Variants in SLC24A4 observed in about 807,000 individuals in gnomAD.
The protein encoded by SLC24A4 is solute carrier family 24 member 4.
Under a neutral mutation model 79.0 loss-of-function variants are expected in SLC24A4, and 53 were observed. That is an observed-to-expected ratio of 0.67 (90% CI 0.54 to 0.84). The LOEUF is 0.84. Ranked by LOEUF, SLC24A4 falls within the 40% of genes least tolerant of loss-of-function variation. The probability of loss-of-function intolerance (pLI) is 0.00; values close to 1 mark genes in which losing one functional copy is unlikely to be tolerated. For missense variants in SLC24A4, 731 were observed against 822.0 expected (o/e 0.89, Z 1.35); for synonymous variants, 323 against 323.8 (o/e 1.00, Z 0.03).
At chr14:92,483,936 C>G in intron 13 of SLC24A4, 1 of 1,254,830 alleles carries the variant, frequency 8.0e-7, no homozygotes, top group Non-Finnish European at 1.0e-6. Context: ...GCCACCTTTC[C>G]CTTAACTCCA....
At position 92,456,487 on chromosome 14, in the gene SLC24A4, T is replaced by A. The variant is rs143075344; in HGVS notation, c.1134T>A (p.Asn378Lys). The change falls in exon 12 of 17, where the codon AAT becomes AAA. Residue 378 changes from asparagine (N) to lysine (K), a missense_variant. Physicochemically the swap from Asn to Lys is moderately conservative, Grantham distance 94. Transcript: ENST00000532405. ...NGRHENIENG[N>K]VPVENPEDPQ... is the part of the protein sequence containing the mutation. ...GGCACGAGAACATTGAGAACGGGAA[T>A]GTTCCTGTGGAAAACCCCGAAGACC... 2.9e-4 allele frequency: 473 copies of A among 1,614,202 alleles called. 4 individuals are homozygous for A. The African/African-American group carries it at 5.9e-3, about 20-fold the overall frequency.
intron 2 of SLC24A4, among the ~76,000 whole-genome samples, chr14:92,354,888 A>G (rs992656912): frequency 6.6e-6 from 1 of 152,200 alleles, no homozygotes; most frequent in Non-Finnish European, 1.5e-5. Context: ...AGCCCGGCCA[A>G]CATGGCGAAA....
rs1489682650 is a variant in SLC24A4 at position 92,441,416 on chromosome 14, C to T, written c.394-673C>T. ...CGTCCTGTCCCGTGCCAGCTTAACCCTGGAACCAGTACCTCTGGGTCTTTG... is the reference window on the plus strand; with the variant it reads ...CGTCCTGTCCCGTGCCAGCTTAACCTTGGAACCAGTACCTCTGGGTCTTTG... On this transcript the variant is annotated intron_variant, in intron 4 of 16. Coordinates refer to ENST00000532405, the MANE Select transcript of SLC24A4 (RefSeq NM_153646.4). This position sits in a 1 kb window ranked among gnomAD's most constrained non-coding sequence, Gnocchi z 4.6. 6.6e-6 allele frequency among the ~76,000 whole-genome samples: 1 copy of T among 152,236 alleles called. No individual in the cohort carries two copies. The highest frequency in any genetic ancestry group is 1.9e-4 in the East Asian group (1 of 5,200).
chr14:92,345,319 C>T (rs1344387682), intron 2 of SLC24A4, among the ~76,000 whole-genome samples: 1 of 152,180 alleles, frequency 6.6e-6, no homozygotes, highest in Non-Finnish European at 1.5e-5. Flanking sequence ...TACTTATGAA[C>T]CCTTCTGCGC....
At chr14:92,389,243 T>A (rs913543109) in intron 2 of SLC24A4, among the ~76,000 whole-genome samples, 2 of 152,318 alleles carry the variant, frequency 1.3e-5, no homozygotes, top group Middle Eastern at 3.4e-3. Flanking sequence ...AGGAAGTGAA[T>A]CTTTCCTGAA....
intron 12 of SLC24A4, among the ~76,000 whole-genome samples, chr14:92,475,878 T>A (rs376473720): frequency 6.6e-6 from 1 of 152,210 alleles, no homozygotes; most frequent in South Asian, 2.1e-4. Flanking sequence ...CTTCACTAAA[T>A]TGATTTCACC....
intron 3 of SLC24A4, among the ~76,000 whole-genome samples, chr14:92,438,665 G>T (rs1241872372): frequency 3.4e-5 from 5 of 148,092 alleles, no homozygotes; most frequent in Non-Finnish European, 7.5e-5. Flanking sequence ...GAGGTATCGG[G>T]GGAAGGGGTG....
rs553324907 is a variant in SLC24A4 at position 92,381,114 on chromosome 14, A to G, written c.242-52798A>G. On this transcript the variant is annotated intron_variant, in intron 2 of 16. Coordinates refer to ENST00000532405, the MANE Select transcript of SLC24A4 (RefSeq NM_153646.4). Reference sequence around the variant, plus strand: ...CAAAAGGATTATAAATCATTCTGCTATAAAGACACATGCACACATATGTTT... The same window carrying G: ...CAAAAGGATTATAAATCATTCTGCTGTAAAGACACATGCACACATATGTTT... Among the ~76,000 whole-genome samples the G allele has an allele frequency of 3.9e-5, 6 of 152,372 alleles. No homozygotes were observed. In the South Asian group the frequency reaches 6.2e-4, roughly 16 times the overall value.
intron 2 of SLC24A4, among the ~76,000 whole-genome samples, chr14:92,424,947 C>T (rs1383312788): frequency 6.6e-6 from 1 of 152,100 alleles, no homozygotes; most frequent in African/African-American, 2.4e-5. Flanking sequence ...TCACCACTTG[C>T]GCCCAGGGCA....
chr14:92,328,613 T>C (rs1885287863), intron 2 of SLC24A4, among the ~76,000 whole-genome samples: 1 of 152,254 alleles, frequency 6.6e-6, no homozygotes, highest in South Asian at 2.1e-4. Flanking sequence ...TCTCCATCTC[T>C]GGGCTCACTT....
chr14:92,330,482 G>A (rs117848934), intron 2 of SLC24A4, among the ~76,000 whole-genome samples: 1,563 of 152,304 alleles, frequency 0.01, 19 homozygotes, highest in Middle Eastern at 0.031. Context: ...TACAGAGCAA[G>A]CACTGAAAAT....
intron 2 of SLC24A4, among the ~76,000 whole-genome samples, chr14:92,361,360 G>A (rs1887510547): frequency 6.6e-6 from 1 of 151,926 alleles, no homozygotes; most frequent in Non-Finnish European, 1.5e-5. Flanking sequence ...AGCAAGGTTG[G>A]GAAGGGAGGG....
At chr14:92,392,946 A>C (rs1214986805) in intron 2 of SLC24A4, among the ~76,000 whole-genome samples, 1 of 152,036 alleles carries the variant, frequency 6.6e-6, no homozygotes, top group Non-Finnish European at 1.5e-5. Context: ...GTGTGAGGTC[A>C]CATGGGAGGC....
intron 2 of SLC24A4, among the ~76,000 whole-genome samples, chr14:92,358,231 A>G (rs1459385436): frequency 6.6e-6 from 1 of 152,030 alleles, no homozygotes; most frequent in African/African-American, 2.4e-5. Context: ...TAGGCCAGTT[A>G]AATGCATGCA....
At position 92,493,539 on chromosome 14, in the gene SLC24A4, C is replaced by T. The variant is rs751394589; in HGVS notation, c.1780C>T (p.Leu594Phe). The change falls in exon 17 of 17, where the codon CTC (leucine) becomes TTC (phenylalanine). Residue 594 changes from leucine (L) to phenylalanine (F), a missense_variant. By Grantham distance (22) the Leu-to-Phe change is conservative. Coordinates refer to ENST00000532405, the MANE Select transcript of SLC24A4 (RefSeq NM_153646.4). ...GAAGCTGGGTGTCTACGTGCTGGTT[C>T]TCTACGCCATCTTCTTGTGCTTCTC... ...DRKLGVYVLV[L>F]YAIFLCFSIM... 1.5e-5 allele frequency: 25 copies of T among 1,614,090 alleles called. No individual in the cohort carries two copies. The highest frequency in any genetic ancestry group is 2.7e-5 in the African/African-American group (2 of 74,932).
At chr14:92,401,753 C>T (rs1049676477) in intron 2 of SLC24A4, among the ~76,000 whole-genome samples, 3 of 152,108 alleles carry the variant, frequency 2.0e-5, no homozygotes, top group African/African-American at 7.2e-5. Context: ...TTCCGCAGTG[C>T]CCTGAGGTGT....
At chr14:92,354,398 G>A (rs1006570317) in intron 2 of SLC24A4, among the ~76,000 whole-genome samples, 20 of 151,928 alleles carry the variant, frequency 1.3e-4, no homozygotes, top group African/African-American at 3.4e-4. Context: ...TGATCTGCCC[G>A]CCTCGACTTC....
At chr14:92,403,361 A>T (rs1452284381) in intron 2 of SLC24A4, among the ~76,000 whole-genome samples, 5 of 151,972 alleles carry the variant, frequency 3.3e-5, no homozygotes, top group Non-Finnish European at 7.4e-5. Flanking sequence ...TAATCCCAGC[A>T]CTTTGGGAGG....
intron 10 of SLC24A4, chr14:92,453,385 G>T (rs1430092882): frequency 6.6e-6 from 1 of 152,618 alleles, no homozygotes; most frequent in Admixed American, 6.5e-5. Flanking sequence ...TGCAGACAGA[G>T]CAGGTGGCCT....
Sources: allele counts gnomAD v4.1 joint callset (sites outside exome capture counted in the v4.1 genomes callset), GRCh38; gene constraint gnomAD v4.1.1; non-coding constraint Gnocchi (gnomAD v3.1); transcripts MANE v1.5; gene names NCBI Gene and HGNC (gene_info 2026-07-23, HGNC 2026-07-21).